The following EXTL3 variants were observed in gnomAD, a reference collection of about 807,000 sequenced individuals.
The protein encoded by EXTL3 is exostosin like glycosyltransferase 3, also known as exostosin-like 3.
Under a neutral mutation model 69.3 loss-of-function variants are expected in EXTL3, and 27 were observed. The observed-to-expected ratio is 0.39, with a 90% CI of 0.29 to 0.54. The LOEUF (loss-of-function observed/expected upper bound fraction) is 0.54. Among genes scored for constraint, EXTL3 ranks in the 20% least tolerant of loss-of-function variants. EXTL3 has a pLI of 0.69. For missense variants in EXTL3, 1,003 were observed against 1,231.8 expected (o/e 0.81, Z 2.78); for synonymous variants, 511 against 499.4 (o/e 1.02, Z -0.31).
chr8:28,701,465 T>C (rs1363415353), upstream of EXTL3: 3 of 151,284 alleles, frequency 2.0e-5, no homozygotes, highest in Admixed American at 1.3e-4. Context: ...GAACGCCGGC[T>C]TCGGCCATTT....
intron 6 of EXTL3, among the ~76,000 whole-genome samples, chr8:28,744,750 G>A (rs1401692902): frequency 6.6e-6 from 1 of 150,580 alleles, no homozygotes; most frequent in Non-Finnish European, 1.5e-5. Context: ...CCAAGATCGC[G>A]CCACTGCACT....
rs911782990 is a variant in EXTL3, at chr8:28,731,245, G to C, written c.2171G>C (p.Ser724Thr). Residue 724 changes from serine (S) to threonine (T), a missense_variant, in exon 4 of 7, where the codon AGT (serine) becomes ACT (threonine). Physicochemically the swap from Ser to Thr is moderately conservative, Grantham distance 58. Transcript: ENST00000220562. ...CAGGTGGTCCGTACTGAGAAGAACAGTTTGAACAACCGATTCTTACCCTGG... is the reference window on the plus strand; with the variant it reads ...CAGGTGGTCCGTACTGAGAAGAACACTTTGAACAACCGATTCTTACCCTGG... ...PIMVVRTEKN[S>T]LNNRFLPWNE... 6.2e-7 allele frequency: 1 copy of C among 1,614,162 alleles called. No homozygotes were observed. Among genetic ancestry groups the C allele is most frequent in the Non-Finnish European group, 8.5e-7 (1 of 1,180,016 alleles).
chr8:28,734,991 C>T (rs969330124), intron 4 of EXTL3, among the ~76,000 whole-genome samples: 3 of 152,146 alleles, frequency 2.0e-5, no homozygotes, highest in African/African-American at 7.2e-5. Flanking sequence ...CTTATTCTCC[C>T]CCACCCAGCC....
intron 1 of EXTL3, among the ~76,000 whole-genome samples, chr8:28,629,943 C>A (rs6985395): frequency 0.36 from 53,928 of 151,888 alleles, 10,702 homozygotes; most frequent in African/African-American, 0.54. Flanking sequence ...ATCTGGAAGA[C>A]CCACAATTTT....
intron 1 of EXTL3, among the ~76,000 whole-genome samples, chr8:28,657,894 T>TA (rs1807037598): frequency 6.6e-6 from 1 of 152,224 alleles, no homozygotes; most frequent in Non-Finnish European, 1.5e-5. Flanking sequence ...CCTCCCTTAA[T>TA]AGAGGTTTAC....
chr8:28,614,235 T>C (rs1231724946), intron 2 of EXTL3, among the ~76,000 whole-genome samples: 1 of 151,762 alleles, frequency 6.6e-6, no homozygotes, highest in African/African-American at 2.4e-5. Context: ...GCCTAATTTT[T>C]ATTTGTTTTC....
At chr8:28,629,976 G>C (rs1237466237) in intron 1 of EXTL3, among the ~76,000 whole-genome samples, 1 of 152,186 alleles carries the variant, frequency 6.6e-6, no homozygotes, top group Non-Finnish European at 1.5e-5. Flanking sequence ...TCCCAATCTT[G>C]TGGCCTCTAA....
At chr8:28,620,345 A>G (rs1806394528), upstream of EXTL3, among the ~76,000 whole-genome samples, 1 of 152,188 alleles carries the variant, frequency 6.6e-6, no homozygotes, top group South Asian at 2.1e-4. Flanking sequence ...GCTAACTGAG[A>G]GAGGGCTCAG....
chr8:28,661,356 T>TAC (rs112453996), intron 1 of EXTL3, among the ~76,000 whole-genome samples: 14,887 of 151,638 alleles, frequency 0.098, 906 homozygotes, highest in African/African-American at 0.16. Context: ...TATATATATA[T>TAC]ACACACACAC....
intron 1 of EXTL3, among the ~76,000 whole-genome samples, chr8:28,664,441 G>A (rs1174991651): frequency 6.6e-6 from 1 of 152,138 alleles, no homozygotes; most frequent in Non-Finnish European, 1.5e-5. Context: ...GGAGTGAAGT[G>A]ACGTGATCAT....
Position 28,717,563 on chromosome 8 carries a change from G to A in EXTL3, c.1504G>A (p.Asp502Asn), listed in dbSNP as rs773872905. The A allele has an allele frequency of 5.0e-6, 8 of 1,614,116 alleles. No homozygotes were observed. The highest frequency in any genetic ancestry group is 4.0e-5 in the African/African-American group (3 of 74,954). The change falls in exon 3 of 7, where the codon GAT (aspartate) becomes AAT (asparagine). Residue 502 changes from aspartate (D) to asparagine (N), a missense_variant. Asp to Asn is a conservative substitution (Grantham distance 23, BLOSUM62 1). Around this residue, in one of 2 missense-constraint regions of EXTL3, gnomAD observed 742 missense variants for 815.4 expected, o/e 0.91. Transcript: ENST00000220562. The surrounding 1 kb of genome is among the most constrained non-coding windows in gnomAD (Gnocchi z 8.3). The stretch of plus-strand genomic sequence containing the variant: ...TCATTTCCTGCTCAGAAGCCTCTCC[G>A]ATAGTGACCTCCTGGCTATGAGGCG... ...EVHFLLRSLSDSDLLAMRRQG... is the reference protein window; with the variant it reads ...EVHFLLRSLSNSDLLAMRRQG...
chr8:28,625,997 CAAAAAAAAAAAAA>C (rs67403576), intron 1 of EXTL3, among the ~76,000 whole-genome samples: 7 of 41,104 alleles, frequency 1.7e-4, no homozygotes, highest in African/African-American at 8.6e-4. Context: ...CACATTTCTC[CAAAAAAAAAAAAA>C]AAAAAAAAAA....
At chr8:28,647,382 G>A (rs1380388198) in intron 1 of EXTL3, among the ~76,000 whole-genome samples, 1 of 152,094 alleles carries the variant, frequency 6.6e-6, no homozygotes, top group Non-Finnish European at 1.5e-5. Context: ...TGGGATTACA[G>A]GCCTCAATTT....
chr8:28,667,872 AG>A (rs1267915688), intron 1 of EXTL3, among the ~76,000 whole-genome samples: 1 of 151,602 alleles, frequency 6.6e-6, no homozygotes, highest in Non-Finnish European at 1.5e-5. Flanking sequence ...AAAAAAAAAA[AG>A]AATATTTTCT....
intron 1 of EXTL3, among the ~76,000 whole-genome samples, chr8:28,635,256 A>G (rs1056391331): frequency 6.6e-5 from 10 of 152,042 alleles, no homozygotes; most frequent in African/African-American, 2.4e-4. Flanking sequence ...ACCCTTAACT[A>G]TAAAAGACAG....
chr8:28,718,212 T>C lies in EXTL3; in HGVS notation c.2148+5T>C, dbSNP rs1350478750. 74 of 1,613,504 alleles carry C rather than the reference T, an allele frequency of 4.6e-5. No homozygotes were observed. The highest frequency in any genetic ancestry group is 6.2e-5 in the Non-Finnish European group (73 of 1,179,632). On this transcript the variant is annotated splice_donor_5th_base_variant and intron_variant, in intron 3 of 6. Transcript: ENST00000220562. ...GACATTGGCGTCCCCATCATGGTAA[T>C]AGAGAAACGAACAGTTCGTTTTGGT...
intron 3 of EXTL3, among the ~76,000 whole-genome samples, chr8:28,721,420 C>T (rs965210686): frequency 1.3e-5 from 2 of 152,350 alleles, no homozygotes; most frequent in South Asian, 2.1e-4. Context: ...ATTTCCTTTA[C>T]AGGCCAGAAA....
intron 1 of EXTL3, among the ~76,000 whole-genome samples, chr8:28,644,572 G>T (rs933754329): frequency 4.6e-5 from 7 of 152,068 alleles, no homozygotes; most frequent in Admixed American, 4.6e-4. Context: ...AGTGGTTCAC[G>T]CCTATAATCT....
chr8:28,661,189 A>G (rs1807109035), intron 1 of EXTL3, among the ~76,000 whole-genome samples: 1 of 151,960 alleles, frequency 6.6e-6, no homozygotes, highest in Non-Finnish European at 1.5e-5. Flanking sequence ...CTGGGATTAC[A>G]GGTGTGATTG....
Sources: gnomAD v4.1 joint callset for allele counts (sites outside exome capture counted in the v4.1 genomes callset) on GRCh38, gnomAD v4.1.1 for gene constraint, gnomAD v4.1.1 regional missense constraint, Gnocchi (gnomAD v3.1) non-coding constraint, MANE v1.5 for transcripts, NCBI Gene and HGNC (gene_info 2026-07-23, HGNC 2026-07-21) for gene names.